The following FAM13B variants were observed in gnomAD, a reference collection of about 807,000 sequenced individuals.
The protein encoded by FAM13B is protein FAM13B.
FAM13B carries 60 observed loss-of-function variants against 117.3 expected under a neutral mutation model. That is an observed-to-expected ratio of 0.51 (90% CI 0.42 to 0.63). The LOEUF (loss-of-function observed/expected upper bound fraction) is 0.63. Ranked by LOEUF, FAM13B falls within the 30% of genes least tolerant of loss-of-function variation. The probability of loss-of-function intolerance (pLI) is 0.00; values close to 1 mark genes in which losing one functional copy is unlikely to be tolerated. For missense variants in FAM13B, 972 were observed against 1,091.9 expected, an observed-to-expected ratio of 0.89 and a Z score of 1.55; for synonymous variants, 332 against 356.1, an observed-to-expected ratio of 0.93 and a Z score of 0.76.
intron 2 of FAM13B, among the ~76,000 whole-genome samples, chr5:138,020,334 T>C (rs1185109942): frequency 6.6e-6 from 1 of 152,214 alleles, no homozygotes; most frequent in African/African-American, 2.4e-5. Flanking sequence ...GCTGGGATTA[T>C]AGGCACAAGC....
chr5:138,018,731 T>C (rs1381493303), intron 3 of FAM13B, among the ~76,000 whole-genome samples: 1 of 152,132 alleles, frequency 6.6e-6, no homozygotes, highest in African/African-American at 2.4e-5. Flanking sequence ...CCATTAAAAA[T>C]ATTCCTATCA....
chr5:137,968,447 A>G (rs975403236), intron 10 of FAM13B, among the ~76,000 whole-genome samples: 2 of 151,894 alleles, frequency 1.3e-5, no homozygotes, highest in South Asian at 2.1e-4. Context: ...TCAAAAAAAA[A>G]AAAAAAAAAA....
chr5:137,974,583 C>T (rs1231477355), intron 10 of FAM13B, among the ~76,000 whole-genome samples: 1 of 138,846 alleles, frequency 7.2e-6, no homozygotes, highest in African/African-American at 2.7e-5. Context: ...ACATTGTGCA[C>T]ATGTACCCTA....
intron 10 of FAM13B, among the ~76,000 whole-genome samples, chr5:137,976,415 TTTTC>T (rs747275687): frequency 5.3e-5 from 8 of 152,342 alleles, no homozygotes; most frequent in Non-Finnish European, 8.8e-5. Context: ...ATGCAATAAA[TTTTC>T]TTTAATTGGA....
chr5:138,000,218 C>T (rs992003533), intron 7 of FAM13B, among the ~76,000 whole-genome samples: 2 of 151,966 alleles, frequency 1.3e-5, no homozygotes, highest in African/African-American at 2.4e-5. Flanking sequence ...GGCAACGTAA[C>T]GAGACCTTGT....
chr5:138,046,006 C>T (rs868046940), intron 1 of FAM13B, among the ~76,000 whole-genome samples: 1 of 151,856 alleles, frequency 6.6e-6, no homozygotes, highest in Non-Finnish European at 1.5e-5. Flanking sequence ...ACCCAAATCT[C>T]ATCTTGAATT....
chr5:137,993,568 G>A (rs1239726488), intron 7 of FAM13B, among the ~76,000 whole-genome samples: 1 of 151,712 alleles, frequency 6.6e-6, no homozygotes, highest in Non-Finnish European at 1.5e-5. Context: ...ATCACTTGAG[G>A]TCAAGAGTTC....
chr5:137,969,555 C>G (rs1472412076), intron 10 of FAM13B, among the ~76,000 whole-genome samples: 2 of 152,232 alleles, frequency 1.3e-5, no homozygotes, highest in African/African-American at 4.8e-5. Flanking sequence ...CAGAGCACCT[C>G]TCCTCCTCCA....
intron 17 of FAM13B, among the ~76,000 whole-genome samples, chr5:137,951,930 T>C (rs1561739363): frequency 6.6e-6 from 1 of 152,092 alleles, no homozygotes; most frequent in Non-Finnish European, 1.5e-5. Flanking sequence ...TGAGCTGAGA[T>C]GGCGTCACTG....
At chr5:137,988,458 T>G (rs973930029) in intron 7 of FAM13B, 143 bp from the exon 8 acceptor site, 1 of 613,104 alleles carries the variant, frequency 1.6e-6, no homozygotes, top group African/African-American at 2.0e-5. Context: ...ACATATCAAG[T>G]TGGAAATATT....
chr5:137,992,901 G>A (rs1778968606), intron 7 of FAM13B, among the ~76,000 whole-genome samples: 1 of 152,146 alleles, frequency 6.6e-6, no homozygotes, highest in Non-Finnish European at 1.5e-5. Flanking sequence ...GTATAAGAAC[G>A]TATATAATAC....
At chr5:138,015,204 G>A (rs1784968958) in intron 4 of FAM13B, among the ~76,000 whole-genome samples, 1 of 152,098 alleles carries the variant, frequency 6.6e-6, no homozygotes, top group South Asian at 2.1e-4. Flanking sequence ...AAATTATCAA[G>A]CCCAAAATCA....
intron 7 of FAM13B, among the ~76,000 whole-genome samples, chr5:137,988,885 T>G (rs11741110): frequency 0.74 from 112,302 of 152,108 alleles, 42,114 homozygotes; most frequent in East Asian, 0.97. Context: ...TATATACTTG[T>G]GGGGGTGAGA....
chr5:138,033,010 G>T lies in FAM13B; in HGVS notation c.-431C>A. 1 of 987,390 alleles carries T rather than the reference G, an allele frequency of 1.0e-6. No individual in the cohort carries two copies. The highest frequency in any genetic ancestry group is 1.2e-6 in the Non-Finnish European group (1 of 831,492). 61.2% of individuals were successfully genotyped at this position (987,390 alleles called of 1,614,324 possible). A position where few individuals can be genotyped will look rare whatever the true frequency, so the allele number is the denominator to read the frequency against. ...TGGCGACGCAGACGCGGAACAGGGGGAGAGAGTGGCGACAGAGGCGGCGGC... is the reference window on the plus strand; with the variant it reads ...TGGCGACGCAGACGCGGAACAGGGGTAGAGAGTGGCGACAGAGGCGGCGGC... On this transcript the variant is annotated 5_prime_UTR_variant, in exon 1 of 24. Transcript: ENST00000689681.
intron 1 of FAM13B, among the ~76,000 whole-genome samples, chr5:138,022,502 A>G (rs1787028096): frequency 6.6e-6 from 1 of 152,232 alleles, no homozygotes; most frequent in Non-Finnish European, 1.5e-5. Flanking sequence ...AAACATTAAA[A>G]ACTGAAGGGA....
intron 15 of FAM13B, among the ~76,000 whole-genome samples, chr5:137,953,951 G>A (rs1450129583): frequency 6.6e-6 from 1 of 151,654 alleles, no homozygotes; most frequent in Non-Finnish European, 1.5e-5. Flanking sequence ...GAACTCAGCA[G>A]GGTCAAAAAA....
At position 137,987,501 on chromosome 5, in the gene FAM13B, C is replaced by T. The variant is rs143195071; in HGVS notation, c.1006G>A (p.Ala336Thr). 4 of 1,612,712 alleles carry T rather than the reference C, an allele frequency of 2.5e-6. No individual in the cohort carries two copies. The highest frequency in any genetic ancestry group is 2.7e-5 in the African/African-American group (2 of 74,894). ...TCCCCATCACAATGAATACTTTCTG[C>T]TTCATTATTACACACCACACTTTGC... ...QQQSVVCNNE[A>T]ESIHCDGEGS... is the part of the protein sequence containing the mutation. The change falls in exon 9 of 24, where the codon GCA becomes ACA. Residue 336 changes from alanine (A) to threonine (T), a missense_variant. Ala to Thr is a moderately conservative substitution (Grantham distance 58). Coordinates refer to ENST00000689681, the MANE Select transcript of FAM13B (RefSeq NM_001385994.1).
intron 10 of FAM13B, among the ~76,000 whole-genome samples, chr5:137,981,028 C>T (rs551855588): frequency 1.3e-5 from 2 of 151,118 alleles, no homozygotes; most frequent in African/African-American, 4.9e-5. Flanking sequence ...CTTCCCACCT[C>T]AGCCTCCCAA....
intron 23 of FAM13B, among the ~76,000 whole-genome samples, chr5:137,941,429 C>T (rs554199434): frequency 2.6e-5 from 4 of 152,156 alleles, no homozygotes; most frequent in Non-Finnish European, 5.9e-5. Context: ...TTAAAAAGAG[C>T]CCTTCCAAGT....
Sources: gnomAD v4.1 joint callset for allele counts (sites outside exome capture counted in the v4.1 genomes callset) on GRCh38, gnomAD v4.1.1 for gene constraint, MANE v1.5 for transcripts, NCBI Gene and HGNC (gene_info 2026-07-23, HGNC 2026-07-21) for gene names.